The following POSTN variants were observed in gnomAD, a reference collection of about 807,000 sequenced individuals.
POSTN encodes the protein periostin.
POSTN carries 71 observed loss-of-function variants against 104.5 expected under a neutral mutation model. That is an observed-to-expected ratio of 0.68 (90% CI 0.56 to 0.83). The LOEUF (loss-of-function observed/expected upper bound fraction) is 0.83. POSTN is among the 40% of genes least tolerant of loss of function. The pLI is 0.00. For missense variants in POSTN, 949 were observed against 1,006.8 expected (o/e 0.94, Z 0.78); for synonymous variants, 355 against 340.7 (o/e 1.04, Z -0.46).
rs764694291 is a variant in POSTN, at chr13:37,583,978, C to G, written c.1234G>C (p.Ala412Pro). The G allele has an allele frequency of 6.2e-7, 1 of 1,613,422 alleles. No homozygotes were observed. Among genetic ancestry groups the G allele is most frequent in the South Asian group, 1.1e-5 (1 of 90,958 alleles). The change falls in exon 9 of 23, where the codon GCA becomes CCA. Residue 412 changes from alanine (A) to proline (P), a missense_variant. Ala to Pro is a conservative substitution (Grantham distance 27). Transcript: ENST00000379747. The stretch of plus-strand genomic sequence containing the variant: ...AGTGTCCAGCACATACCAGAAAATG[C>G]ATTATTCACAGGTGCCAGCAAAGTG... ...EYTLLAPVNN[A>P]FSDDTLSMDQ...
intron 5 of POSTN, 109 bp from the exon 6 acceptor site, chr13:37,587,037 A>T: frequency 1.1e-6 from 1 of 887,854 alleles, no homozygotes; most frequent in Non-Finnish European, 1.7e-6. Context: ...TGTAACATAC[A>T]GGAAACTACA....
At chr13:37,578,447 A>G in intron 15 of POSTN, among the ~76,000 whole-genome samples, 1 of 152,248 alleles carries the variant, frequency 6.6e-6, no homozygotes. Flanking sequence ...TAATGCGTAC[A>G]TTTCTAGCCT....
Position 37,570,576 on chromosome 13 carries a change from C to A in POSTN, c.2269+4G>T, listed in dbSNP as rs775258449. On this transcript the variant is annotated splice_donor_region_variant and intron_variant, in intron 19 of 22. Coordinates refer to ENST00000379747, the MANE Select transcript of POSTN (RefSeq NM_006475.3). ...ATAGATCCATGTATGGAATTAATGG[C>A]TACCTGTAATGATTCGTTCTTCTCG... is the stretch of plus-strand genomic sequence containing the variant. 5.7e-6 allele frequency: 9 copies of A among 1,569,246 alleles called. No individual in the cohort carries two copies. In the South Asian group the frequency reaches 1.0e-4, roughly 17 times the overall value.
In POSTN at chr13:37,597,164, G is replaced by T. The variant is rs779221935; in HGVS notation, c.218+20C>A. On this transcript the variant is annotated intron_variant, in intron 2 of 22. Transcript: ENST00000379747. ...GTTGTTTTTGGAACTGACATATTATGAAAAAAAAAAGAGACTTACGTTTTC... is the reference window on the plus strand; with the variant it reads ...GTTGTTTTTGGAACTGACATATTATTAAAAAAAAAAGAGACTTACGTTTTC... 11 of 1,282,380 alleles carry T rather than the reference G, an allele frequency of 8.6e-6. 1 individual carries two copies. The South Asian group carries it at 1.7e-4, about 19-fold the overall frequency. 79.4% of individuals were successfully genotyped at this position (1,282,380 alleles called of 1,614,324 possible).
chr13:37,580,051 A>AAT, intron 11 of POSTN, 60 bp from the exon 12 acceptor site: 2 of 1,486,810 alleles, frequency 1.3e-6, no homozygotes, highest in African/African-American at 2.8e-5. Flanking sequence ...GTTCACCTAC[A>AAT]GTGCATGTAA....
At chr13:37,573,012 T>C (rs900316839) in intron 17 of POSTN, among the ~76,000 whole-genome samples, 2 of 151,576 alleles carry the variant, frequency 1.3e-5, no homozygotes, top group South Asian at 4.1e-4. Context: ...GAAGAAGCCA[T>C]GTAGAGATGA....
chr13:37,568,785 G>T (rs371921619), intron 21 of POSTN: 2 of 151,674 alleles, frequency 1.3e-5, no homozygotes, highest in Non-Finnish European at 2.9e-5. Context: ...ATATCTACAG[G>T]TATAGATTAT....
intron 21 of POSTN, chr13:37,565,548 G>T (rs1282252385): frequency 6.6e-6 from 1 of 151,816 alleles, no homozygotes; most frequent in African/African-American, 2.4e-5. Flanking sequence ...AATAGTTTTG[G>T]CTATATGACA....
chr13:37,592,479 T>C (rs1361223850), intron 2 of POSTN, among the ~76,000 whole-genome samples: 1 of 152,102 alleles, frequency 6.6e-6, no homozygotes, highest in African/African-American at 2.4e-5. Flanking sequence ...TTTGTATTTT[T>C]AGTAGAGATG....
chr13:37,597,920 A>C (rs1394705687), intron 1 of POSTN, among the ~76,000 whole-genome samples: 1 of 152,276 alleles, frequency 6.6e-6, no homozygotes, highest in Middle Eastern at 3.4e-3. Context: ...TTTCACTGTA[A>C]GTCAAAGAAG....
intron 9 of POSTN, among the ~76,000 whole-genome samples, chr13:37,583,366 A>C (rs555889849): frequency 6.6e-6 from 1 of 151,990 alleles, no homozygotes; most frequent in African/African-American, 2.4e-5. Flanking sequence ...ATTTTTTTAG[A>C]GATCTGTCAA....
At chr13:37,589,922 A>G (rs1950877644) in intron 4 of POSTN, among the ~76,000 whole-genome samples, 1 of 152,198 alleles carries the variant, frequency 6.6e-6, no homozygotes, top group Non-Finnish European at 1.5e-5. Flanking sequence ...ATACATGTAT[A>G]CAAATTTGAC....
intron 4 of POSTN, 45 bp downstream of exon 4, chr13:37,590,324 TAAC>T (rs1950890725): frequency 7.1e-7 from 1 of 1,412,354 alleles, no homozygotes; most frequent in South Asian, 1.4e-5. Flanking sequence ...TAAAATGAAA[TAAC>T]AATAACAGCA....
At chr13:37,577,616 TCAAGTGAAA>T in intron 16 of POSTN, 128 bp downstream of exon 16, 2 of 1,368,580 alleles carry the variant, frequency 1.5e-6, no homozygotes, top group Admixed American at 2.9e-5. Flanking sequence ...AATCCTTTTT[TCAAGTGAAA>T]TGAGATTGGC....
In POSTN at chr13:37,590,445, C is replaced by T. The variant is rs1950895027; in HGVS notation, c.368G>A (p.Arg123Lys). ...TQRYSDASKL[R>K]EEIEGKGSFT... ...GGATCCCTTTCCCTCGATCTCCTCC[C>T]TCAGTTTTGAGGCGTCAGAATAGCG... Residue 123 changes from arginine (R) to lysine (K), a missense_variant, in exon 4 of 23, where the codon AGG (arginine) becomes AAG (lysine). Arg to Lys is a conservative substitution (Grantham distance 26). Transcript: ENST00000379747. 1.9e-6 allele frequency: 3 copies of T among 1,613,388 alleles called. No individual in the cohort carries two copies. The highest frequency in any genetic ancestry group is 2.5e-6 in the Non-Finnish European group (3 of 1,179,626).
rs745917674 is a variant in POSTN at position 37,579,909 on chromosome 13, T to C, written c.1612A>G (p.Asn538Asp). 7.4e-6 allele frequency: 12 copies of C among 1,613,668 alleles called. No homozygotes were observed. The Admixed American group carries it at 8.3e-5, about 11-fold the overall frequency. Residue 538 changes from asparagine to aspartate, a missense_variant, in exon 12 of 23, where the codon AAT becomes GAT. Coordinates refer to ENST00000379747, the MANE Select transcript of POSTN (RefSeq NM_006475.3). ...CTAGTCATTCCCTTAAAAGCATCAT[T>C]GGTTGGCACAAATAATGTCCAGTCT... ...PGDWTLFVPT[N>D]DAFKGMTSEE... is the part of the protein sequence containing the mutation.
chr13:37,589,058 T>C (rs1449009513), intron 4 of POSTN, among the ~76,000 whole-genome samples: 1 of 152,088 alleles, frequency 6.6e-6, no homozygotes, highest in Non-Finnish European at 1.5e-5. Context: ...CTGCCAATTG[T>C]GGGGAAAAGA....
intron 5 of POSTN, among the ~76,000 whole-genome samples, chr13:37,587,537 C>T (rs993419817): frequency 3.3e-5 from 5 of 152,068 alleles, no homozygotes; most frequent in Non-Finnish European, 5.9e-5. Flanking sequence ...TTTGCTACTA[C>T]GATAAATTAT....
At chr13:37,585,045 A>G in intron 7 of POSTN, 117 bp from the exon 8 acceptor site, 3 of 1,436,072 alleles carry the variant, frequency 2.1e-6, no homozygotes, top group Non-Finnish European at 2.7e-6. Context: ...AAACCTAAGG[A>G]TTCACTAACA....
Sources: gnomAD v4.1 joint callset for allele counts (sites outside exome capture counted in the v4.1 genomes callset) on GRCh38, gnomAD v4.1.1 for gene constraint, MANE v1.5 for transcripts, NCBI Gene and HGNC (gene_info 2026-07-23, HGNC 2026-07-21) for gene names.